Variants in CTNNBIP1 observed in about 807,000 individuals in gnomAD.
CTNNBIP1 encodes beta-catenin-interacting protein 1.
CTNNBIP1 carries 7 observed loss-of-function variants against 11.8 expected under a neutral mutation model. That is an observed-to-expected ratio of 0.60 (90% confidence interval 0.34 to 1.12). CTNNBIP1 has a LOEUF of 1.12. Among genes scored for constraint, CTNNBIP1 ranks in the 50% most tolerant of loss-of-function variants. CTNNBIP1 has a pLI of 0.03. For missense variants in CTNNBIP1, 101 were observed against 113.4 expected (o/e 0.89, Z 0.50); for synonymous variants, 58 against 43.9 (o/e 1.32, Z -1.26).
intron 5 of CTNNBIP1, among the ~76,000 whole-genome samples, chr1:9,853,869 T>A (rs1195619729): frequency 6.6e-6 from 1 of 151,420 alleles, no homozygotes; most frequent in Non-Finnish European, 1.5e-5. Flanking sequence ...GTATCTCACA[T>A]GAATATAGAT....
At chr1:9,860,433 A>C (rs1468712164) in intron 5 of CTNNBIP1, among the ~76,000 whole-genome samples, 11 of 148,762 alleles carry the variant, frequency 7.4e-5, no homozygotes, top group Non-Finnish European at 3.0e-5. Flanking sequence ...TCTACTAAAA[A>C]AAAAAAAAAA....
intron 1 of CTNNBIP1, among the ~76,000 whole-genome samples, chr1:9,896,912 A>T (rs1284474470): frequency 6.6e-6 from 1 of 150,434 alleles, no homozygotes; most frequent in African/African-American, 2.5e-5. Flanking sequence ...GGTTGCAGTG[A>T]GCCGAGATCG....
At position 9,872,558 on chromosome 1, in the gene CTNNBIP1, T is replaced by C. The variant is rs1239799918; in HGVS notation, c.-24-470A>G. On this transcript the variant is annotated intron_variant, in intron 3 of 5. Transcript: ENST00000377263. This position sits in a 1 kb window ranked among gnomAD's most constrained non-coding sequence, Gnocchi z 4.0. ...TTGGCTCGAGAAACTGTGAGATCAG[T>C]GCCCAGCCCCCAAACACTGAGACAG... Among the ~76,000 whole-genome samples, 1 of 152,192 alleles carries C rather than the reference T, an allele frequency of 6.6e-6. No homozygotes were observed. The highest frequency in any genetic ancestry group is 1.9e-4 in the East Asian group (1 of 5,190).
In CTNNBIP1 at chr1:9,882,395, C is replaced by T. The variant is rs150219436; in HGVS notation, c.-110+1310G>A. On this transcript the variant is annotated intron_variant, in intron 2 of 5. Transcript: ENST00000377263. ...AGATCAATGATCTCAGACACTGAGA[C>T]AAAGAACATGAAGGTTAAGTTTGAG... is the stretch of plus-strand genomic sequence containing the variant. Among the ~76,000 whole-genome samples the T allele has an allele frequency of 2.0e-5, 3 of 152,278 alleles. No homozygotes were observed. The East Asian group carries it at 5.8e-4, about 29-fold the overall frequency.
chr1:9,855,535 G>A (rs1638482894), intron 5 of CTNNBIP1, among the ~76,000 whole-genome samples: 1 of 152,090 alleles, frequency 6.6e-6, no homozygotes, highest in Non-Finnish European at 1.5e-5. Context: ...ATTCAGTGGG[G>A]AAGAAATGAA....
Position 9,894,220 on chromosome 1 carries a change from A to T in CTNNBIP1, c.-143-10482T>A, listed in dbSNP as rs116258346. ...TGTGGGTATATGTCAAGGTACACGC[A>T]CACTGCTGCTTTTCCTGAACCATCT... On this transcript the variant is annotated intron_variant, in intron 1 of 5. Coordinates refer to ENST00000377263, the MANE Select transcript of CTNNBIP1 (RefSeq NM_020248.3). Among the ~76,000 whole-genome samples, 380 of 152,316 alleles carry T rather than the reference A, an allele frequency of 2.5e-3. 1 individual carries two copies. Among genetic ancestry groups the T allele is most frequent in the African/African-American group, 8.0e-3 (334 of 41,558 alleles).
chr1:9,890,803 G>C (rs1239113351), intron 1 of CTNNBIP1, among the ~76,000 whole-genome samples: 2 of 152,154 alleles, frequency 1.3e-5, no homozygotes, highest in African/African-American at 4.8e-5. Flanking sequence ...GTAGAGGAAC[G>C]CTTTTTCTCT....
chr1:9,894,840 A>G (rs1639376638), intron 1 of CTNNBIP1, among the ~76,000 whole-genome samples: 1 of 151,620 alleles, frequency 6.6e-6, no homozygotes, highest in Admixed American at 6.6e-5. Flanking sequence ...TCCCGGGTTC[A>G]AGAGATTCTC....
At chr1:9,906,772 G>A (rs1324728463) in intron 1 of CTNNBIP1, among the ~76,000 whole-genome samples, 1 of 152,188 alleles carries the variant, frequency 6.6e-6, no homozygotes, top group East Asian at 1.9e-4. Flanking sequence ...AAGAAGCATG[G>A]TCTGATGAAA....
chr1:9,863,498 C>T (rs1288824437), intron 5 of CTNNBIP1, among the ~76,000 whole-genome samples: 2 of 152,290 alleles, frequency 1.3e-5, no homozygotes, highest in East Asian at 1.9e-4. Context: ...CGTGTGGCAC[C>T]GGGCCAGTGC....
chr1:9,898,529 G>GA (rs935122800), intron 1 of CTNNBIP1, among the ~76,000 whole-genome samples: 67 of 145,828 alleles, frequency 4.6e-4, no homozygotes, highest in Admixed American at 2.2e-3. Flanking sequence ...TCTCAAAAGG[G>GA]AAAAAAAAAA....
intron 3 of CTNNBIP1, among the ~76,000 whole-genome samples, chr1:9,875,018 AC>A (rs1638936071): frequency 6.6e-6 from 1 of 152,124 alleles, no homozygotes; most frequent in African/African-American, 2.4e-5. Context: ...CTGGTGAGAG[AC>A]AGGGTGAAAT....
intron 5 of CTNNBIP1, among the ~76,000 whole-genome samples, chr1:9,864,545 G>A (rs927639097): frequency 2.0e-5 from 3 of 152,160 alleles, no homozygotes; most frequent in Non-Finnish European, 4.4e-5. Context: ...AGCCAGGATG[G>A]TCTCAATCTC....
rs1389278003 is a variant in CTNNBIP1, at chr1:9,850,475, TAA to T, written c.*241_*242del. ...TTTCTGTTGGTCAAGATTTAAAAAA[TAA>T]AAAAGTTTCTTCCTGCAGCCAATCA... On this transcript the variant is annotated 3_prime_UTR_variant, in exon 6 of 6. Transcript: ENST00000377263. The T allele has an allele frequency of 2.4e-5, 10 of 414,022 alleles. No individual in the cohort carries two copies. Among genetic ancestry groups the T allele is most frequent in the Admixed American group, 8.2e-5 (2 of 24,456 alleles). 25.6% of individuals were successfully genotyped at this position (414,022 alleles called of 1,614,324 possible).
intron 1 of CTNNBIP1, among the ~76,000 whole-genome samples, chr1:9,897,132 C>T (rs978312588): frequency 4.0e-5 from 6 of 151,650 alleles, no homozygotes; most frequent in Non-Finnish European, 7.4e-5. Context: ...GGAGACAAAG[C>T]GAGACTCTGT....
intron 1 of CTNNBIP1, among the ~76,000 whole-genome samples, chr1:9,894,451 G>A (rs1570594435): frequency 1.3e-5 from 2 of 152,000 alleles, no homozygotes; most frequent in South Asian, 2.1e-4. Flanking sequence ...AACATCCAGG[G>A]CTCAAGTGAT....
chr1:9,904,546 G>C (rs748502094), intron 1 of CTNNBIP1, among the ~76,000 whole-genome samples: 18 of 152,208 alleles, frequency 1.2e-4, no homozygotes, highest in Non-Finnish European at 1.9e-4. Context: ...ACAGGAGATG[G>C]TCAGAGTTGC....
At chr1:9,892,609 G>A (rs1639330244) in intron 1 of CTNNBIP1, among the ~76,000 whole-genome samples, 2 of 151,228 alleles carry the variant, frequency 1.3e-5, no homozygotes, top group Non-Finnish European at 2.9e-5. Flanking sequence ...AAAAAGAAAA[G>A]AAGTTTTAAG....
At chr1:9,850,870 G>T in intron 5 of CTNNBIP1, 94 bp from the exon 6 acceptor site, 1 of 1,159,432 alleles carries the variant, frequency 8.6e-7, no homozygotes, top group Non-Finnish European at 1.3e-6. Flanking sequence ...TGGAGCCCCC[G>T]CCCACCAGGA....
Sources: gnomAD v4.1 joint callset for allele counts (sites outside exome capture counted in the v4.1 genomes callset) on GRCh38, gnomAD v4.1.1 for gene constraint, Gnocchi (gnomAD v3.1) non-coding constraint, MANE v1.5 for transcripts, NCBI Gene and HGNC (gene_info 2026-07-23, HGNC 2026-07-21) for gene names.